Variants in CALCRL observed in about 807,000 individuals in gnomAD.
The protein encoded by CALCRL is calcitonin gene-related peptide type 1 receptor.
In CALCRL, 27 loss-of-function variants were observed where a neutral mutation model predicts 60.4. That is an observed-to-expected ratio of 0.45 (90% CI 0.33 to 0.62). CALCRL has a LOEUF of 0.62. CALCRL is among the 20% of genes least tolerant of loss of function. CALCRL has a pLI of 0.03. For synonymous variants in CALCRL, 190 were observed against 182.6 expected (o/e 1.04, Z -0.33); for missense variants, 424 against 540.7 (o/e 0.78, Z 2.14).
chr2:187,352,300 G>A lies in CALCRL; in HGVS notation c.942C>T (p.Arg314=), dbSNP rs1213778901. 1.6e-5 allele frequency: 25 copies of A among 1,610,696 alleles called. No individual in the cohort carries two copies. The highest frequency in any genetic ancestry group is 3.3e-5 in the Admixed American group (2 of 59,726). Residue 314 remains arginine (R), a synonymous_variant, in exon 13 of 15, where the codon CGC becomes CGT. Transcript: ENST00000392370. ...TAACTTTTAACTTGGTGATGAGAAC[G>A]CGTACAATATTTAACAAGAAAAAAA... is the stretch of plus-strand genomic sequence containing the variant. The part of the protein sequence containing the change: ...VNLFFLLNIV[R]VLITKLKVTH...
Position 187,390,411 on chromosome 2 carries a change from A to G in CALCRL, c.-292-2655T>C, listed in dbSNP as rs527705788. The stretch of plus-strand genomic sequence containing the variant: ...TTTAATGATTTACGCATGAGTCAGG[A>G]TTAAATTACCTTTAATATGCACATG... On this transcript the variant is annotated intron_variant, in intron 1 of 14. Coordinates refer to ENST00000392370, the MANE Select transcript of CALCRL (RefSeq NM_005795.6). Among the ~76,000 whole-genome samples the G allele has an allele frequency of 2.0e-5, 3 of 152,280 alleles. No homozygotes were observed. The South Asian group carries it at 6.2e-4, about 32-fold the overall frequency.
chr2:187,412,475 T>G (rs1689409325), intron 1 of CALCRL, among the ~76,000 whole-genome samples: 1 of 152,274 alleles, frequency 6.6e-6, no homozygotes, highest in East Asian at 1.9e-4. Flanking sequence ...TCCTCATCTA[T>G]GAAGTTAAAT....
chr2:187,387,066 C>T (rs990304482), intron 3 of CALCRL, among the ~76,000 whole-genome samples: 3 of 152,138 alleles, frequency 2.0e-5, no homozygotes, highest in African/African-American at 7.2e-5. Flanking sequence ...GACTAATACA[C>T]TGAACACGCA....
intron 1 of CALCRL, among the ~76,000 whole-genome samples, chr2:187,404,988 A>T (rs1689056008): frequency 6.6e-6 from 1 of 151,966 alleles, no homozygotes; most frequent in Non-Finnish European, 1.5e-5. Context: ...TAGGGTTTGG[A>T]TACCAGCTGT....
At chr2:187,379,647 C>A (rs1043691149) in intron 7 of CALCRL, among the ~76,000 whole-genome samples, 1 of 152,088 alleles carries the variant, frequency 6.6e-6, no homozygotes, top group Non-Finnish European at 1.5e-5. Flanking sequence ...CCTGAATAAG[C>A]TGGGAATATG....
intron 4 of CALCRL, among the ~76,000 whole-genome samples, chr2:187,384,526 G>A (rs543283160): frequency 3.3e-5 from 5 of 152,268 alleles, no homozygotes; most frequent in East Asian, 1.9e-4. Context: ...TATGCAGCTC[G>A]CTCAGTGGAG....
intron 8 of CALCRL, among the ~76,000 whole-genome samples, chr2:187,366,249 CAAAAAA>C (rs59586461): frequency 2.1e-5 from 2 of 94,630 alleles, no homozygotes; most frequent in Non-Finnish European, 2.0e-5. Context: ...GACTCCGTCT[CAAAAAA>C]AAAAAAAAAA....
intron 3 of CALCRL, among the ~76,000 whole-genome samples, chr2:187,386,755 T>G (rs571097433): frequency 1.3e-3 from 195 of 152,294 alleles, no homozygotes; most frequent in African/African-American, 4.4e-3. Context: ...ATCTTGTAGC[T>G]CACATAATTC....
At chr2:187,411,994 A>G (rs1559067816) in intron 1 of CALCRL, among the ~76,000 whole-genome samples, 1 of 151,356 alleles carries the variant, frequency 6.6e-6, no homozygotes, top group South Asian at 2.1e-4. Flanking sequence ...AAAAAAAAAA[A>G]AAAAAAAGAA....
intron 12 of CALCRL, among the ~76,000 whole-genome samples, chr2:187,358,382 T>TATA (rs1189951042): frequency 1.3e-5 from 2 of 152,088 alleles, no homozygotes; most frequent in East Asian, 3.9e-4. Context: ...ATAATAATAG[T>TATA]GTAATAAAAG....
At position 187,380,528 on chromosome 2, in the gene CALCRL, G is replaced by T. The variant is rs1201822877; in HGVS notation, c.347C>A (p.Ala116Glu). 1 of 1,613,178 alleles carries T rather than the reference G, an allele frequency of 6.2e-7. No homozygotes were observed. Among genetic ancestry groups the T allele is most frequent in the Admixed American group, 1.7e-5 (1 of 59,978 alleles). The part of the protein sequence containing the change: ...DQDGNWFRHP[A>E]SNRTWTNYTQ... ...ATAATTTGTCCATGTTCTGTTGCTT[G>T]CTGGATGTCTAAACCAGTTTCCATC... The change falls in exon 7 of 15, where the codon GCA becomes GAA. Residue 116 changes from alanine to glutamate, a missense_variant. Physicochemically the swap from Ala to Glu is moderately radical, Grantham distance 107. Coordinates refer to ENST00000392370, the MANE Select transcript of CALCRL (RefSeq NM_005795.6).
rs1687935753 is a variant in CALCRL, at chr2:187,380,412, G to C, written c.408+55C>G. 30 of 951,780 alleles carry C rather than the reference G, an allele frequency of 3.2e-5. No homozygotes were observed. In the South Asian group the frequency reaches 3.9e-4, roughly 12 times the overall value. 59.0% of individuals were successfully genotyped at this position (951,780 alleles called of 1,614,324 possible). A position where few individuals can be genotyped will look rare whatever the true frequency, so the allele number is the denominator to read the frequency against. ...TTTCTTTAATACAGTATTGGACAAAGGAGCTGTTTAAACAGATACTGTAAG... is the reference window on the plus strand; with the variant it reads ...TTTCTTTAATACAGTATTGGACAAACGAGCTGTTTAAACAGATACTGTAAG... On this transcript the variant is annotated intron_variant, in intron 7 of 14. Transcript: ENST00000392370.
intron 8 of CALCRL, among the ~76,000 whole-genome samples, chr2:187,369,300 C>A (rs1687424859): frequency 6.6e-6 from 1 of 152,220 alleles, no homozygotes; most frequent in South Asian, 2.1e-4. Flanking sequence ...TTCTGAATAC[C>A]TGTGATTCTT....
chr2:187,396,110 GA>G (rs1688642194), intron 1 of CALCRL, among the ~76,000 whole-genome samples: 1 of 151,116 alleles, frequency 6.6e-6, no homozygotes, highest in African/African-American at 2.4e-5. Context: ...TAGCTCACGG[GA>G]AAAAGTGGAC....
At chr2:187,362,487 A>C (rs1687096155) in intron 9 of CALCRL, among the ~76,000 whole-genome samples, 1 of 152,070 alleles carries the variant, frequency 6.6e-6, no homozygotes, top group Non-Finnish European at 1.5e-5. Flanking sequence ...CACACATGAG[A>C]CTGTTTATTG....
chr2:187,419,728 CTTA>C (rs1385872942), intron 1 of CALCRL, among the ~76,000 whole-genome samples: 2 of 152,004 alleles, frequency 1.3e-5, no homozygotes, highest in African/African-American at 4.8e-5. Flanking sequence ...AGAAGAGCAA[CTTA>C]TGTTAACTGA....
At chr2:187,384,329 G>GT in intron 4 of CALCRL, among the ~76,000 whole-genome samples, 1 of 152,182 alleles carries the variant, frequency 6.6e-6, no homozygotes, top group East Asian at 1.9e-4. Flanking sequence ...TGAAAAGCAC[G>GT]TAACTCCTGT....
At chr2:187,411,552 G>A (rs141520608) in intron 1 of CALCRL, among the ~76,000 whole-genome samples, 38 of 152,200 alleles carry the variant, frequency 2.5e-4, no homozygotes, top group African/African-American at 8.9e-4. Flanking sequence ...AAATTATTTA[G>A]TGATGGATCA....
chr2:187,421,027 G>T (rs1689850397), intron 1 of CALCRL, among the ~76,000 whole-genome samples: 1 of 152,138 alleles, frequency 6.6e-6, no homozygotes, highest in Non-Finnish European at 1.5e-5. Context: ...GCCAGGAATA[G>T]ATTAATCCTT....
Sources: gnomAD v4.1 joint callset for allele counts (sites outside exome capture counted in the v4.1 genomes callset) on GRCh38, gnomAD v4.1.1 for gene constraint, MANE v1.5 for transcripts, NCBI Gene and HGNC (gene_info 2026-07-23, HGNC 2026-07-21) for gene names.